PTPRT: variants seen among roughly 807,000 people sequenced by gnomAD.
PTPRT encodes the protein protein tyrosine phosphatase receptor type T.
Under a neutral mutation model 176.8 loss-of-function variants are expected in PTPRT, and 56 were observed. The ratio of observed to expected loss-of-function variants is 0.32; its 90% CI spans 0.26 to 0.40. PTPRT has a LOEUF of 0.40. Ranked by LOEUF, PTPRT falls within the 10% of genes least tolerant of loss-of-function variation. The pLI is 1.00. For missense variants in PTPRT, 1,540 were observed against 1,908.2 expected, an observed-to-expected ratio of 0.81 and a Z score of 3.60; for synonymous variants, 783 against 739.0, an observed-to-expected ratio of 1.06 and a Z score of -0.96.
intron 12 of PTPRT, among the ~76,000 whole-genome samples, chr20:42,286,203 G>A (rs577412220): frequency 2.6e-5 from 4 of 151,852 alleles, no homozygotes; most frequent in Middle Eastern, 3.4e-3. Context: ...AATACCAATG[G>A]CATTCATTAT....
At chr20:42,548,651 G>A (rs993519078) in intron 7 of PTPRT, among the ~76,000 whole-genome samples, 1 of 152,060 alleles carries the variant, frequency 6.6e-6, no homozygotes. Context: ...AAAAATTATG[G>A]ATGTATATTC....
At chr20:42,350,159 A>T (rs1281802194) in intron 11 of PTPRT, among the ~76,000 whole-genome samples, 6 of 148,134 alleles carry the variant, frequency 4.1e-5, no homozygotes, top group African/African-American at 1.5e-4. Flanking sequence ...TACCATAAAC[A>T]TGTTCCAGGA....
intron 9 of PTPRT, among the ~76,000 whole-genome samples, chr20:42,383,419 C>CA (rs5841460): frequency 0.018 from 2,615 of 147,858 alleles, 79 homozygotes; most frequent in African/African-American, 0.061. Flanking sequence ...CAGGGATAGA[C>CA]AAAAAAAAAA....
chr20:42,682,367 G>GA (rs2075618020), intron 6 of PTPRT, among the ~76,000 whole-genome samples: 1 of 152,160 alleles, frequency 6.6e-6, no homozygotes. Flanking sequence ...AAAATTGGGA[G>GA]AAAATGAGCC....
rs148197918 is a variant in PTPRT at position 42,860,228 on chromosome 20, C to T, written c.214+25579G>A. On this transcript the variant is annotated intron_variant, in intron 2 of 30. Coordinates refer to ENST00000373187, the MANE Select transcript of PTPRT (RefSeq NM_007050.6). ...ATGCATTCACACACACACAAACACA[C>T]ACACACCCCTCTGTTTTAAGGACAT... is the stretch of plus-strand genomic sequence containing the variant. Among the ~76,000 whole-genome samples the T allele has an allele frequency of 1.1e-3, 175 of 152,314 alleles. 1 individual carries two copies. Among genetic ancestry groups the T allele is most frequent in the African/African-American group, 3.8e-3 (159 of 41,578 alleles).
At chr20:43,111,508 C>A (rs1277666997) in intron 1 of PTPRT, among the ~76,000 whole-genome samples, 1 of 140,326 alleles carries the variant, frequency 7.1e-6, no homozygotes, top group Admixed American at 7.5e-5. Flanking sequence ...CGTGCCACTG[C>A]ACTCTAGCCT....
chr20:42,301,903 C>T (rs753475367), intron 12 of PTPRT, among the ~76,000 whole-genome samples: 70 of 152,190 alleles, frequency 4.6e-4, no homozygotes, highest in South Asian at 8.3e-4. Context: ...AGCTGAGTGA[C>T]GGGCACATAC....
At chr20:42,179,295 G>GT (rs1990420156) in intron 16 of PTPRT, among the ~76,000 whole-genome samples, 1 of 152,122 alleles carries the variant, frequency 6.6e-6, no homozygotes, top group Non-Finnish European at 1.5e-5. Flanking sequence ...CTTAATAAAA[G>GT]TTTTTTAATT....
At chr20:42,406,546 C>T (rs2058962984) in intron 9 of PTPRT, among the ~76,000 whole-genome samples, 1 of 151,520 alleles carries the variant, frequency 6.6e-6, no homozygotes, top group African/African-American at 2.4e-5. Context: ...CCTTTTTTTT[C>T]CAAATGATTT....
At chr20:42,661,906 C>G (rs6072818) in intron 7 of PTPRT, among the ~76,000 whole-genome samples, 1 of 152,090 alleles carries the variant, frequency 6.6e-6, no homozygotes, top group Non-Finnish European at 1.5e-5. Context: ...TGCAGGGAGA[C>G]CTCTGCGTTC....
intron 7 of PTPRT, among the ~76,000 whole-genome samples, chr20:42,593,283 G>T (rs1261017353): frequency 6.6e-6 from 1 of 152,120 alleles, no homozygotes; most frequent in Non-Finnish European, 1.5e-5. Context: ...GCCTCTGATA[G>T]CCTCCAGGCT....
chr20:43,188,762 G>GGGC lies in PTPRT; in HGVS notation c.88+883_88+884insGCC, dbSNP rs1568834816. Among the ~76,000 whole-genome samples the GGGC allele has an allele frequency of 2.7e-4, 35 of 129,258 alleles. 2 individuals are homozygous for GGGC. The highest frequency in any genetic ancestry group is 3.6e-4 in the Non-Finnish European group (21 of 58,608). 84.8% of individuals were successfully genotyped at this position (129,258 alleles called of 152,430 possible). On this transcript the variant is annotated intron_variant, in intron 1 of 30. Transcript: ENST00000373187. ...CGCCGCTACTCTTGGGGGGGGGGGG[G>GGGC]CTCGGGGGTGGAAGCTGCCTGCGGT...
At chr20:43,144,943 C>T (rs2014126338) in intron 1 of PTPRT, among the ~76,000 whole-genome samples, 1 of 152,226 alleles carries the variant, frequency 6.6e-6, no homozygotes, top group African/African-American at 2.4e-5. Context: ...ACCTCTGATG[C>T]TACAGCATAC....
At chr20:42,911,802 T>C (rs964809675) in intron 1 of PTPRT, among the ~76,000 whole-genome samples, 1 of 152,090 alleles carries the variant, frequency 6.6e-6, no homozygotes, top group African/African-American at 2.4e-5. Flanking sequence ...GATATGCACA[T>C]ATATTTTCCA....
chr20:42,936,245 A>G (rs1415246419), intron 1 of PTPRT, among the ~76,000 whole-genome samples: 4 of 152,200 alleles, frequency 2.6e-5, no homozygotes, highest in African/African-American at 7.2e-5. Flanking sequence ...AACACCACAT[A>G]GGAAAGGCTC....
At chr20:42,342,528 T>A (rs1232999911) in intron 11 of PTPRT, among the ~76,000 whole-genome samples, 1 of 152,224 alleles carries the variant, frequency 6.6e-6, no homozygotes, top group Non-Finnish European at 1.5e-5. Context: ...TAAATGAGGT[T>A]TGGAGAAAGA....
chr20:42,297,331 T>C (rs1174814732), intron 12 of PTPRT, among the ~76,000 whole-genome samples: 2 of 152,106 alleles, frequency 1.3e-5, no homozygotes, highest in Non-Finnish European at 2.9e-5. Flanking sequence ...TACTTGCTAA[T>C]AGCAAGAACA....
chr20:42,100,970 T>TAACA (rs560929062), intron 26 of PTPRT, among the ~76,000 whole-genome samples: 5 of 152,198 alleles, frequency 3.3e-5, no homozygotes, highest in Admixed American at 6.5e-5. Flanking sequence ...CTCCTGCCTC[T>TAACA]AACACCCAGA....
chr20:42,052,499 CCT>C, the PTPRT span, among the ~76,000 whole-genome samples: 1 of 152,212 alleles, frequency 6.6e-6, no homozygotes, highest in Admixed American at 6.5e-5. Context: ...CGCATACTTC[CCT>C]GTCTCCCCTC....
Sources: allele counts gnomAD v4.1 joint callset (sites outside exome capture counted in the v4.1 genomes callset), GRCh38; gene constraint gnomAD v4.1.1; transcripts MANE v1.5; gene names NCBI Gene and HGNC (gene_info 2026-07-23, HGNC 2026-07-21).